Variants in SPATA6 observed in about 807,000 individuals in gnomAD.
SPATA6 encodes the protein spermatogenesis associated 6.
A neutral mutation model predicts 65.3 loss-of-function variants in SPATA6; 56 were observed. The observed-to-expected ratio is 0.86, with a 90% CI of 0.69 to 1.07. The LOEUF is 1.07. Ranked by LOEUF, SPATA6 falls within the 50% of genes least tolerant of loss-of-function variation. SPATA6 has a pLI of 0.00. For missense variants in SPATA6, 590 were observed against 594.8 expected (o/e 0.99, Z 0.08); for synonymous variants, 199 against 213.2 (o/e 0.93, Z 0.58).
At chr1:48,288,251 G>A in the SPATA6 span, among the ~76,000 whole-genome samples, 1 of 152,158 alleles carries the variant, frequency 6.6e-6, no homozygotes, top group Non-Finnish European at 1.5e-5. Flanking sequence ...GATATTGGCT[G>A]TTTTCTTTTC....
the SPATA6 span, among the ~76,000 whole-genome samples, chr1:48,269,338 C>T: frequency 1.1e-4 from 16 of 152,210 alleles, no homozygotes; most frequent in South Asian, 3.1e-3. Flanking sequence ...ATTACAACAA[C>T]TCTATGAAAA....
At chr1:48,419,029 C>T (rs1450972772) in intron 3 of SPATA6, among the ~76,000 whole-genome samples, 1 of 152,100 alleles carries the variant, frequency 6.6e-6, no homozygotes, top group African/African-American at 2.4e-5. Context: ...AATTACTCTG[C>T]AACCTCAACT....
intron 1 of SPATA6, among the ~76,000 whole-genome samples, chr1:48,457,762 T>C (rs141682307): frequency 6.6e-6 from 1 of 152,046 alleles, no homozygotes; most frequent in South Asian, 2.1e-4. Context: ...ATCTTTCAGG[T>C]TGAACTGAAA....
rs139783138 is a variant in SPATA6, at chr1:48,436,211, C to T, written c.238+15341G>A. 1.8e-4 allele frequency: 289 copies of T among 1,612,836 alleles called. 1 individual carries two copies. In the African/African-American group the frequency reaches 2.9e-3, roughly 16 times the overall value. On this transcript the variant is annotated intron_variant, in intron 3 of 12. Coordinates refer to ENST00000371847, the MANE Select transcript of SPATA6 (RefSeq NM_019073.4). The stretch of plus-strand genomic sequence containing the variant: ...GTCCATCTTGCATGGCATACTCCCA[C>T]GGGAACACTGGTAACTATAAAAATT...
At chr1:48,268,302 A>ATGTG in the SPATA6 span, among the ~76,000 whole-genome samples, 1 of 99,100 alleles carries the variant, frequency 1.0e-5, no homozygotes, top group African/African-American at 3.6e-5. Context: ...AAAAATAAAA[A>ATGTG]TATGTGTGTG....
chr1:48,363,668 A>G (rs745972520), intron 9 of SPATA6, among the ~76,000 whole-genome samples: 17 of 152,062 alleles, frequency 1.1e-4, no homozygotes, highest in Admixed American at 3.3e-4. Flanking sequence ...CAATACTTTC[A>G]ATATGGCAAA....
At chr1:48,302,050 G>A (rs1356691419) in intron 12 of SPATA6, among the ~76,000 whole-genome samples, 2 of 152,066 alleles carry the variant, frequency 1.3e-5, no homozygotes, top group Non-Finnish European at 2.9e-5. Flanking sequence ...ACATGTCTCA[G>A]AGTTTTTGTA....
chr1:48,335,783 G>A (rs531300384), intron 11 of SPATA6, among the ~76,000 whole-genome samples: 6 of 152,104 alleles, frequency 3.9e-5, no homozygotes, highest in African/African-American at 1.2e-4. Context: ...AATGACAAAT[G>A]GCGCCTAATT....
intron 9 of SPATA6, among the ~76,000 whole-genome samples, chr1:48,382,910 AC>A (rs1320372472): frequency 4.8e-5 from 5 of 104,206 alleles, no homozygotes; most frequent in African/African-American, 4.3e-5. Context: ...CGGGGGGCTG[AC>A]CCCCCCACCT....
At chr1:48,275,564 T>C in the SPATA6 span, among the ~76,000 whole-genome samples, 1 of 152,238 alleles carries the variant, frequency 6.6e-6, no homozygotes, top group Non-Finnish European at 1.5e-5. Flanking sequence ...TGCTGAATTT[T>C]ATCAAAGGCC....
chr1:48,467,253 A>T (rs1450970808), intron 1 of SPATA6, among the ~76,000 whole-genome samples: 1 of 152,130 alleles, frequency 6.6e-6, no homozygotes, highest in Non-Finnish European at 1.5e-5. Context: ...TCATATTACT[A>T]AAGTATTACA....
the SPATA6 span, among the ~76,000 whole-genome samples, chr1:48,279,788 A>C: frequency 6.6e-6 from 1 of 152,226 alleles, no homozygotes; most frequent in African/African-American, 2.4e-5. Context: ...CAGAAAGTTA[A>C]CAAGGATACC....
chr1:48,371,506 T>G (rs549950165), intron 9 of SPATA6, among the ~76,000 whole-genome samples: 1 of 152,370 alleles, frequency 6.6e-6, no homozygotes, highest in Non-Finnish European at 1.5e-5. Context: ...TAGGCAATAC[T>G]GCAGTAGCAA....
the SPATA6 span, among the ~76,000 whole-genome samples, chr1:48,271,953 A>C: frequency 6.6e-6 from 1 of 152,116 alleles, no homozygotes. Context: ...TTGAGTTCAG[A>C]AATCCTGATT....
chr1:48,406,146 G>A (rs576920573), intron 5 of SPATA6, among the ~76,000 whole-genome samples: 1 of 152,182 alleles, frequency 6.6e-6, no homozygotes, highest in South Asian at 2.1e-4. Context: ...ATTCCTGTTT[G>A]AGCGTGGGAG....
intron 11 of SPATA6, among the ~76,000 whole-genome samples, chr1:48,320,727 C>T (rs1645575958): frequency 2.0e-5 from 3 of 152,138 alleles, no homozygotes; most frequent in Admixed American, 1.3e-4. Context: ...CATATTATAA[C>T]ACTAACTGTG....
chr1:48,359,570 G>A lies in SPATA6; in HGVS notation c.1094+16C>T, dbSNP rs776195975. 47 of 1,611,036 alleles carry A rather than the reference G, an allele frequency of 2.9e-5. No individual in the cohort carries two copies. Among genetic ancestry groups the A allele is most frequent in the Non-Finnish European group, 3.7e-5 (44 of 1,178,140 alleles). On this transcript the variant is annotated intron_variant, in intron 10 of 12. Coordinates refer to ENST00000371847, the MANE Select transcript of SPATA6 (RefSeq NM_019073.4). ...ATTCAAAGATCAGTACAGAAATGAA[G>A]ACCGCACATAATTACCTTTCCCTGA...
intron 3 of SPATA6, among the ~76,000 whole-genome samples, chr1:48,443,376 T>C (rs943500995): frequency 2.1e-4 from 32 of 152,216 alleles, no homozygotes; most frequent in African/African-American, 5.5e-4. Context: ...CACAGGGCCA[T>C]ACAACTAATA....
chr1:48,314,725 A>T (rs1243983579), intron 11 of SPATA6, among the ~76,000 whole-genome samples: 1 of 151,760 alleles, frequency 6.6e-6, no homozygotes, highest in Non-Finnish European at 1.5e-5. Flanking sequence ...GACACAAAAG[A>T]CCCTTCAAAA....
Sources: allele counts gnomAD v4.1 joint callset (sites outside exome capture counted in the v4.1 genomes callset), GRCh38; gene constraint gnomAD v4.1.1; transcripts MANE v1.5; gene names NCBI Gene and HGNC (gene_info 2026-07-23, HGNC 2026-07-21).